DCTD: variants seen among roughly 807,000 people sequenced by gnomAD.
The protein encoded by DCTD is dCMP deaminase, also known as deoxycytidylate deaminase.
DCTD carries 23 observed loss-of-function variants against 21.0 expected under a neutral mutation model. The ratio of observed to expected loss-of-function variants is 1.09; its 90% CI spans 0.79 to 1.55. DCTD has a LOEUF of 1.55. Ranked by LOEUF, DCTD falls within the 40% of genes most tolerant of loss-of-function variation. The pLI is 0.00. For synonymous variants in DCTD, 71 were observed against 81.1 expected, an observed-to-expected ratio of 0.88 and a Z score of 0.67; for missense variants, 224 against 230.0, an observed-to-expected ratio of 0.97 and a Z score of 0.17.
intron 3 of DCTD, among the ~76,000 whole-genome samples, chr4:182,908,697 A>AC (rs1737159447): frequency 6.7e-6 from 1 of 150,368 alleles, no homozygotes. Flanking sequence ...AAAAAAAAAA[A>AC]AAAAAAAAGA....
intron 3 of DCTD, among the ~76,000 whole-genome samples, chr4:182,903,728 A>T (rs1196363111): frequency 6.6e-6 from 1 of 151,862 alleles, no homozygotes; most frequent in Non-Finnish European, 1.5e-5. Flanking sequence ...TGAGGCAAGA[A>T]CTTCCGTCTC....
chr4:182,897,226 T>C (rs755575122), intron 3 of DCTD, among the ~76,000 whole-genome samples: 3 of 152,170 alleles, frequency 2.0e-5, no homozygotes, highest in Middle Eastern at 3.4e-3. Flanking sequence ...ATGCACAGCA[T>C]TATAAACAGA....
chr4:182,909,398 T>C (rs1737286800), intron 3 of DCTD, among the ~76,000 whole-genome samples: 1 of 152,216 alleles, frequency 6.6e-6, no homozygotes, highest in Non-Finnish European at 1.5e-5. Context: ...TAATTTCTTT[T>C]CTATGCAGTT....
At chr4:182,916,444 G>C (rs139269241) in intron 1 of DCTD, 43 of 985,660 alleles carry the variant, frequency 4.4e-5, no homozygotes, top group Admixed American at 6.1e-5. Flanking sequence ...AGAAAGGCGA[G>C]GAATGTGGTC....
chr4:182,916,750 T>TG, intron 1 of DCTD: 2 of 1,101,786 alleles, frequency 1.8e-6, no homozygotes, highest in South Asian at 2.0e-5. Context: ...GGGGGAGCCA[T>TG]GGGGGGCGAG....
chr4:182,908,106 T>C (rs1194688252), intron 3 of DCTD, among the ~76,000 whole-genome samples: 1 of 152,116 alleles, frequency 6.6e-6, no homozygotes, highest in East Asian at 1.9e-4. Flanking sequence ...CTCTAAGAAC[T>C]AGGTTTTATT....
chr4:182,895,774 A>C (rs1415785540), intron 3 of DCTD, among the ~76,000 whole-genome samples: 1 of 152,218 alleles, frequency 6.6e-6, no homozygotes, highest in Non-Finnish European at 1.5e-5. Context: ...CTCTGATATC[A>C]GAACACCCTT....
chr4:182,893,123 T>C lies in DCTD; in HGVS notation c.366A>G (p.Ile122Met). 4 of 1,595,602 alleles carry C rather than the reference T, an allele frequency of 2.5e-6. No individual in the cohort carries two copies. Among genetic ancestry groups the C allele is most frequent in the Non-Finnish European group, 3.4e-6 (4 of 1,164,838 alleles). Residue 122 changes from isoleucine (I) to methionine (M), a missense_variant, in exon 5 of 6, where the codon ATA becomes ATG. Transcript: ENST00000438320. ...TATCAGACATGAAAATCACTTCTTT[T>C]ATACCTGTAAGGTAACAATGGGAGC... ...ECAKLIIQAG[I>M]KEVIFMSDKY...
chr4:182,915,497 G>C lies in DCTD; in HGVS notation c.72C>G (p.Phe24Leu), dbSNP rs767645014. The C allele has an allele frequency of 5.0e-6, 8 of 1,613,310 alleles. No homozygotes were observed. In the East Asian group the frequency reaches 6.7e-5, roughly 13 times the overall value. The change falls in exon 2 of 6, where the codon TTC becomes TTG. Residue 24 changes from phenylalanine to leucine, a missense_variant. Coordinates refer to ENST00000438320, the MANE Select transcript of DCTD (RefSeq NM_001921.3). ...EWPEYFMAVA[F>L]LSAQRSKDPN... Reference sequence around the variant, plus strand: ...GATCTTTGCTTCTCTGTGCTGATAAGAAGGCCACAGCCATAAAATACTCTG... The same window carrying C: ...GATCTTTGCTTCTCTGTGCTGATAACAAGGCCACAGCCATAAAATACTCTG...
At chr4:182,910,900 C>G (rs937883458) in intron 3 of DCTD, among the ~76,000 whole-genome samples, 2 of 152,218 alleles carry the variant, frequency 1.3e-5, no homozygotes, top group Admixed American at 1.3e-4. Context: ...GTGTGTGTTT[C>G]CCTCCTCCCC....
chr4:182,893,893 C>G (rs1734262964), intron 4 of DCTD, among the ~76,000 whole-genome samples: 1 of 152,238 alleles, frequency 6.6e-6, no homozygotes. Flanking sequence ...CATGGTAAGT[C>G]TTTAAATCTC....
chr4:182,909,974 G>A (rs1737381914), intron 3 of DCTD, among the ~76,000 whole-genome samples: 2 of 152,220 alleles, frequency 1.3e-5, no homozygotes. Context: ...AGGTTTTTCA[G>A]CATTTTCCTT....
chr4:182,903,628 C>T (rs9993882), intron 3 of DCTD, among the ~76,000 whole-genome samples: 13,966 of 152,134 alleles, frequency 0.092, 1,076 homozygotes, highest in African/African-American at 0.21. Flanking sequence ...GGGTCACTCA[C>T]GTAAAAGGCA....
At chr4:182,901,383 C>T (rs1735710910) in intron 3 of DCTD, among the ~76,000 whole-genome samples, 1 of 152,154 alleles carries the variant, frequency 6.6e-6, no homozygotes, top group Non-Finnish European at 1.5e-5. Flanking sequence ...GCTTAAAAAT[C>T]CCTCATTTTT....
At chr4:182,905,897 T>TA (rs1736627384) in intron 3 of DCTD, among the ~76,000 whole-genome samples, 1 of 152,128 alleles carries the variant, frequency 6.6e-6, no homozygotes, top group Admixed American at 6.5e-5. Flanking sequence ...TTGCTTCTCC[T>TA]CCTCAGCATG....
chr4:182,899,213 CT>C (rs1735272612), intron 3 of DCTD, among the ~76,000 whole-genome samples: 1 of 152,158 alleles, frequency 6.6e-6, no homozygotes, highest in Admixed American at 6.5e-5. Context: ...GGCCTGGAAC[CT>C]TTTGATTCAC....
At chr4:182,911,448 C>T (rs1737661164) in intron 3 of DCTD, 1 of 152,210 alleles carries the variant, frequency 6.6e-6, no homozygotes, top group African/African-American at 2.4e-5. Context: ...GCCACCCCTC[C>T]CCGAGCTCCT....
intron 3 of DCTD, among the ~76,000 whole-genome samples, chr4:182,894,974 G>A (rs1734482216): frequency 6.6e-6 from 1 of 152,254 alleles, no homozygotes; most frequent in African/African-American, 2.4e-5. Flanking sequence ...TGTTAAGAGG[G>A]CTAGGGGATT....
At chr4:182,914,624 G>A (rs1355331337) in intron 3 of DCTD, among the ~76,000 whole-genome samples, 3 of 152,176 alleles carry the variant, frequency 2.0e-5, no homozygotes, top group Admixed American at 1.3e-4. Flanking sequence ...CAGAGACGCC[G>A]ACTATCAGTG....
Sources: allele counts gnomAD v4.1 joint callset (sites outside exome capture counted in the v4.1 genomes callset), GRCh38; gene constraint gnomAD v4.1.1; transcripts MANE v1.5; gene names NCBI Gene and HGNC (gene_info 2026-07-23, HGNC 2026-07-21).